KANSL3: variants seen among roughly 807,000 people sequenced by gnomAD.
The protein encoded by KANSL3 is NSL complex protein NSL3.
In KANSL3, 16 loss-of-function variants were observed where a neutral mutation model predicts 89.2. The observed-to-expected ratio is 0.18, with a 90% CI of 0.12 to 0.27. KANSL3 has a LOEUF of 0.27. Among genes scored for constraint, KANSL3 ranks in the 10% least tolerant of loss-of-function variants. KANSL3 has a pLI of 1.00. For missense variants in KANSL3, 879 were observed against 1,110.6 expected, an observed-to-expected ratio of 0.79 and a Z score of 2.96; for synonymous variants, 385 against 419.7, an observed-to-expected ratio of 0.92 and a Z score of 1.01.
chr2:96,618,799 T>A (rs777909883), intron 5 of KANSL3, among the ~76,000 whole-genome samples: 3 of 152,236 alleles, frequency 2.0e-5, no homozygotes, highest in African/African-American at 7.2e-5. Context: ...ACATTGACGA[T>A]AGCCTGATGC....
intron 3 of KANSL3, among the ~76,000 whole-genome samples, chr2:96,626,955 T>C (rs2106020419): frequency 6.6e-6 from 1 of 152,390 alleles, no homozygotes; most frequent in African/African-American, 2.4e-5. Context: ...AATATGACTG[T>C]ATCTCAATAA....
At chr2:96,597,594 T>TA (rs1454622058) in intron 20 of KANSL3, among the ~76,000 whole-genome samples, 3 of 152,138 alleles carry the variant, frequency 2.0e-5, no homozygotes, top group African/African-American at 7.2e-5. Flanking sequence ...ATATCCACTT[T>TA]ATTTTATTTA....
At chr2:96,601,606 T>C (rs774750286) in intron 20 of KANSL3, 37 bp downstream of exon 20, 2 of 1,602,982 alleles carry the variant, frequency 1.2e-6, no homozygotes, top group Non-Finnish European at 1.7e-6. Flanking sequence ...TTCCCAATAA[T>C]GAAGCCCATG....
the KANSL3 span, among the ~76,000 whole-genome samples, chr2:96,583,684 G>C: frequency 6.6e-6 from 1 of 152,188 alleles, no homozygotes; most frequent in African/African-American, 2.4e-5. Context: ...TCTATTTTCA[G>C]TTTTGGGCTA....
chr2:96,611,264 G>T, intron 9 of KANSL3, 126 bp from the exon 10 acceptor site: 1 of 734,222 alleles, frequency 1.4e-6, no homozygotes, highest in Non-Finnish European at 2.4e-6. Flanking sequence ...CCTAATATCC[G>T]GGTGCATCTT....
downstream of KANSL3, among the ~76,000 whole-genome samples, chr2:96,591,012 C>T (rs1428191126): frequency 6.6e-6 from 1 of 152,020 alleles, no homozygotes; most frequent in Non-Finnish European, 1.5e-5. Context: ...CAAAACAAAA[C>T]AAAACAAAAC....
chr2:96,595,770 C>T, intron 20 of KANSL3, 139 bp from the exon 21 acceptor site: 1 of 980,534 alleles, frequency 1.0e-6, no homozygotes, highest in Non-Finnish European at 1.5e-6. Flanking sequence ...GTTGGATACA[C>T]AAGGACACAT....
Position 96,611,154 on chromosome 2 carries a change from C to G in KANSL3, c.1087-16G>C, listed in dbSNP as rs753746060. The G allele has an allele frequency of 6.2e-7, 1 of 1,611,740 alleles. No homozygotes were observed. The highest frequency in any genetic ancestry group is 1.3e-5 in the African/African-American group (1 of 74,870). ...TTACTGACACCTGTAAATAACAGAA[C>G]AGTTTGTCTAAACGTCAACTGAGTT... On this transcript the variant is annotated splice_polypyrimidine_tract_variant and intron_variant, in intron 9 of 20. Coordinates refer to ENST00000431828, the MANE Select transcript of KANSL3 (RefSeq NM_001115016.3).
chr2:96,629,918 CACAG>C (rs1200750124), intron 3 of KANSL3, among the ~76,000 whole-genome samples: 2 of 152,114 alleles, frequency 1.3e-5, no homozygotes, highest in Admixed American at 6.5e-5. Flanking sequence ...TATATGGATA[CACAG>C]ACAAAAAGCC....
chr2:96,637,545 T>C (rs1353828777), intron 1 of KANSL3, among the ~76,000 whole-genome samples: 1 of 152,090 alleles, frequency 6.6e-6, no homozygotes, highest in African/African-American at 2.4e-5. Context: ...AAATCACAAA[T>C]ATGAATTCGT....
the KANSL3 span, among the ~76,000 whole-genome samples, chr2:96,585,688 C>G: frequency 6.6e-6 from 1 of 151,916 alleles, no homozygotes; most frequent in Non-Finnish European, 1.5e-5. Context: ...CAATTTGCAA[C>G]TGCAAAAACA....
Position 96,595,570 on chromosome 2 carries a change from C to A in KANSL3, c.*41G>T. ...CTGTCCAGGGCCCACCATGAGGCAG[C>A]CATCACCAACTTGGTAAGGAGGACA... On this transcript the variant is annotated 3_prime_UTR_variant, in exon 21 of 21. Transcript: ENST00000431828. 1.2e-6 allele frequency: 2 copies of A among 1,611,930 alleles called. No individual in the cohort carries two copies. The highest frequency in any genetic ancestry group is 1.7e-6 in the Non-Finnish European group (2 of 1,178,588).
intron 3 of KANSL3, among the ~76,000 whole-genome samples, chr2:96,623,280 G>A (rs2071650340): frequency 6.6e-6 from 1 of 152,142 alleles, no homozygotes; most frequent in East Asian, 1.9e-4. Context: ...AGGAACACAG[G>A]CACATGATTT....
chr2:96,626,950 G>A (rs1426369496), intron 3 of KANSL3, among the ~76,000 whole-genome samples: 1 of 152,166 alleles, frequency 6.6e-6, no homozygotes, highest in Non-Finnish European at 1.5e-5. Context: ...TAATGAATAT[G>A]ACTGTATCTC....
intron 14 of KANSL3, chr2:96,606,090 G>A (rs2067937967): frequency 6.6e-6 from 1 of 152,380 alleles, no homozygotes; most frequent in African/African-American, 2.4e-5. Flanking sequence ...GCCAAATGGA[G>A]GCAATGAAGA....
At position 96,602,765 on chromosome 2, in the gene KANSL3, T is replaced by C; in HGVS notation, c.2247A>G (p.Gly749=). 1 of 1,600,616 alleles carries C rather than the reference T, an allele frequency of 6.2e-7. No homozygotes were observed. The highest frequency in any genetic ancestry group is 8.5e-7 in the Non-Finnish European group (1 of 1,173,226). ...GGCAGATGTGCACCTGTGGGGCTGG[T>C]CCTGGGGAGGGATTTGCTGGAAGGC... is the stretch of plus-strand genomic sequence containing the variant. ...TSGLPANPSP[G]PAPQATSVKL... Residue 749 remains glycine (G), a synonymous_variant, in exon 18 of 21, where the codon GGA becomes GGG. Coordinates refer to ENST00000431828, the MANE Select transcript of KANSL3 (RefSeq NM_001115016.3).
intron 9 of KANSL3, 73 bp downstream of exon 9, chr2:96,612,209 A>T: frequency 9.7e-7 from 1 of 1,028,980 alleles, no homozygotes; most frequent in Admixed American, 1.7e-5. Context: ...CACACAGTAA[A>T]GGACTCAATG....
chr2:96,585,536 A>G, the KANSL3 span, among the ~76,000 whole-genome samples: 1 of 152,236 alleles, frequency 6.6e-6, no homozygotes, highest in African/African-American at 2.4e-5. Context: ...TAGTACAATC[A>G]CTATGGAGAA....
downstream of KANSL3, among the ~76,000 whole-genome samples, chr2:96,591,350 C>T (rs1200360338): frequency 6.6e-6 from 1 of 152,064 alleles, no homozygotes; most frequent in African/African-American, 2.4e-5. Flanking sequence ...GAGATGGATG[C>T]AACTATAAAG....
Sources: gnomAD v4.1 joint callset for allele counts (sites outside exome capture counted in the v4.1 genomes callset) on GRCh38, gnomAD v4.1.1 for gene constraint, MANE v1.5 for transcripts, NCBI Gene and HGNC (gene_info 2026-07-23, HGNC 2026-07-21) for gene names.